PRKCH: variants seen among roughly 807,000 people sequenced by gnomAD.
PRKCH encodes protein kinase C eta type.
PRKCH carries 28 observed loss-of-function variants against 82.5 expected under a neutral mutation model. The observed-to-expected ratio is 0.34, with a 90% confidence interval of 0.25 to 0.47. PRKCH has a LOEUF of 0.47. PRKCH is among the 20% of genes least tolerant of loss of function. The pLI, the probability that PRKCH is intolerant of heterozygous loss-of-function variation, is 1.00. For missense variants in PRKCH, 705 were observed against 881.8 expected (o/e 0.80, Z 2.54); for synonymous variants, 322 against 327.4 (o/e 0.98, Z 0.18).
intron 10 of PRKCH, among the ~76,000 whole-genome samples, chr14:61,494,413 A>T (rs1886577034): frequency 6.6e-6 from 1 of 152,224 alleles, no homozygotes; most frequent in Non-Finnish European, 1.5e-5. Context: ...CTTACTTTAG[A>T]GTATGTGTGT....
chr14:61,519,951 G>A (rs953150638), intron 10 of PRKCH, among the ~76,000 whole-genome samples: 6 of 151,776 alleles, frequency 4.0e-5, no homozygotes, highest in African/African-American at 1.5e-4. Context: ...AAGCAAACAG[G>A]ATGTTTTTTT....
intron 1 of PRKCH, among the ~76,000 whole-genome samples, chr14:61,284,361 A>G (rs2045296735): frequency 6.6e-6 from 1 of 152,262 alleles, no homozygotes; most frequent in Admixed American, 6.5e-5. Context: ...TGAAAGGCGA[A>G]GAAAATGAAA....
At chr14:61,205,503 A>C (rs996824347) in intron 1 of PRKCH, among the ~76,000 whole-genome samples, 11 of 152,186 alleles carry the variant, frequency 7.2e-5, no homozygotes, top group African/African-American at 1.4e-4. Flanking sequence ...AAGGAAGCCC[A>C]GTGGGAGCTG....
chr14:61,471,838 A>G (rs185603030), intron 9 of PRKCH, among the ~76,000 whole-genome samples: 1 of 152,270 alleles, frequency 6.6e-6, no homozygotes, highest in Non-Finnish European at 1.5e-5. Context: ...CCAGGGGGGA[A>G]GAATCTCCCC....
intron 1 of PRKCH, among the ~76,000 whole-genome samples, chr14:61,382,228 C>T (rs1050456669): frequency 5.9e-5 from 9 of 152,086 alleles, no homozygotes; most frequent in Non-Finnish European, 1.0e-4. Flanking sequence ...CTCAGGAGTT[C>T]GACACCAGCC....
At chr14:61,245,356 C>T (rs2044870465) in intron 1 of PRKCH, among the ~76,000 whole-genome samples, 1 of 152,162 alleles carries the variant, frequency 6.6e-6, no homozygotes, top group South Asian at 2.1e-4. Flanking sequence ...TTCCTTTCCC[C>T]ACCACCACCC....
At chr14:61,450,003 T>C (rs1884425856) in intron 5 of PRKCH, among the ~76,000 whole-genome samples, 1 of 152,056 alleles carries the variant, frequency 6.6e-6, no homozygotes, top group Non-Finnish European at 1.5e-5. Context: ...ATTCTAGAGG[T>C]AAAAGCAGAT....
At chr14:61,368,320 GA>G (rs547107705) in intron 1 of PRKCH, among the ~76,000 whole-genome samples, 1,745 of 142,684 alleles carry the variant, frequency 0.012, 42 homozygotes, top group African/African-American at 0.039. Flanking sequence ...CTAGTCATGG[GA>G]AAAAAAAAAA....
At chr14:61,453,831 T>G (rs541061691) in intron 7 of PRKCH, among the ~76,000 whole-genome samples, 1 of 152,042 alleles carries the variant, frequency 6.6e-6, no homozygotes, top group Admixed American at 6.6e-5. Flanking sequence ...TTTTTTATTT[T>G]TTTTTTTGTA....
chr14:61,549,861 G>C lies in PRKCH; in HGVS notation c.*30G>C, dbSNP rs1172943757. ...ATGGGGAGTGAGAGAGAGGGCACGA[G>C]AACCCAAAGGGAATAGAGATTCTCC... On this transcript the variant is annotated 3_prime_UTR_variant, in exon 14 of 14. Coordinates refer to ENST00000332981, the MANE Select transcript of PRKCH (RefSeq NM_006255.5). The C allele has an allele frequency of 6.2e-7, 1 of 1,606,396 alleles. No homozygotes were observed. The highest frequency in any genetic ancestry group is 1.1e-5 in the South Asian group (1 of 90,316).
Position 61,495,134 on chromosome 14 carries a change from A to C in PRKCH, c.1433+9478A>C, listed in dbSNP as rs372920172. Among the ~76,000 whole-genome samples, 26 of 152,366 alleles carry C rather than the reference A, an allele frequency of 1.7e-4. No individual in the cohort carries two copies. The East Asian group carries it at 2.9e-3, about 17-fold the overall frequency. On this transcript the variant is annotated intron_variant, in intron 10 of 13. Coordinates refer to ENST00000332981, the MANE Select transcript of PRKCH (RefSeq NM_006255.5). ...TGAGAGGAGATTCAAGAACCTTTTC[A>C]GACCATTAGTGGAGTGAACATCCTG...
intron 5 of PRKCH, among the ~76,000 whole-genome samples, chr14:61,450,135 A>G (rs944661665): frequency 1.4e-4 from 21 of 152,242 alleles, no homozygotes; most frequent in Admixed American, 8.5e-4. Flanking sequence ...GGTATAAACC[A>G]CAGCTTTTCC....
At chr14:61,327,518 T>C (rs1179392432) in intron 1 of PRKCH, among the ~76,000 whole-genome samples, 2 of 152,344 alleles carry the variant, frequency 1.3e-5, no homozygotes, top group Admixed American at 6.5e-5. Flanking sequence ...TCATTTTCAT[T>C]GTAAGAAGAA....
intron 2 of PRKCH, among the ~76,000 whole-genome samples, chr14:61,438,122 T>C (rs1414531699): frequency 6.6e-6 from 1 of 152,114 alleles, no homozygotes; most frequent in Non-Finnish European, 1.5e-5. Context: ...AACTGAAGCA[T>C]TGGATGTTAA....
chr14:61,380,302 C>T (rs2046486169), intron 1 of PRKCH, among the ~76,000 whole-genome samples: 1 of 151,678 alleles, frequency 6.6e-6, no homozygotes, highest in South Asian at 2.1e-4. Context: ...AGTGATCCTC[C>T]TGCCTTGGCC....
intron 2 of PRKCH, among the ~76,000 whole-genome samples, chr14:61,404,864 G>A (rs1391353322): frequency 6.6e-6 from 1 of 152,168 alleles, no homozygotes; most frequent in Non-Finnish European, 1.5e-5. Context: ...AGCAGGGAGA[G>A]GAGTGTAGCT....
intron 7 of PRKCH, among the ~76,000 whole-genome samples, chr14:61,454,149 C>T (rs187136016): frequency 5.0e-4 from 75 of 151,490 alleles, no homozygotes; most frequent in African/African-American, 1.7e-3. Flanking sequence ...CGCTTTGTCA[C>T]CCAGCCTGGA....
chr14:61,342,548 T>TA (rs1302053753), intron 1 of PRKCH, among the ~76,000 whole-genome samples: 4 of 152,210 alleles, frequency 2.6e-5, no homozygotes, highest in Non-Finnish European at 5.9e-5. Context: ...GCTTCATCAC[T>TA]ATGTTCTATG....
At position 61,457,060 on chromosome 14, in the gene PRKCH, T is replaced by C. The variant is rs1280625818; in HGVS notation, c.961-116T>C. 21 of 1,144,712 alleles carry C rather than the reference T, an allele frequency of 1.8e-5. No individual in the cohort carries two copies. The Admixed American group carries it at 5.9e-4, about 32-fold the overall frequency. The allele number at this position is 1,144,712 out of a possible 1,614,324, so 70.9% of individuals were successfully genotyped here. On this transcript the variant is annotated intron_variant, in intron 7 of 13. Coordinates refer to ENST00000332981, the MANE Select transcript of PRKCH (RefSeq NM_006255.5). ...GATCATCTGTCAAACTGAGTTGATC[T>C]TTCCCCCACGTTATACTGGGGGTGA...
Sources: gnomAD v4.1 joint callset for allele counts (sites outside exome capture counted in the v4.1 genomes callset) on GRCh38, gnomAD v4.1.1 for gene constraint, MANE v1.5 for transcripts, NCBI Gene and HGNC (gene_info 2026-07-23, HGNC 2026-07-21) for gene names.